The following MECOM variants were observed in gnomAD, a reference collection of about 807,000 sequenced individuals.
The protein encoded by MECOM is MDS1 and EVI1 complex locus, also known as histone-lysine N-methyltransferase MECOM.
A neutral mutation model predicts 116.3 loss-of-function variants in MECOM; 13 were observed. The ratio of observed to expected loss-of-function variants is 0.11; its 90% CI spans 0.07 to 0.18. The LOEUF is 0.18. MECOM is among the 10% of genes least tolerant of loss of function. The probability of loss-of-function intolerance (pLI) is 1.00; values close to 1 mark genes in which losing one functional copy is unlikely to be tolerated. For missense variants in MECOM, 1,299 were observed against 1,509.0 expected, an observed-to-expected ratio of 0.86 and a Z score of 2.31; for synonymous variants, 528 against 535.2, an observed-to-expected ratio of 0.99 and a Z score of 0.19.
At chr3:169,295,804 C>A (rs1715478869) in intron 2 of MECOM, among the ~76,000 whole-genome samples, 1 of 152,118 alleles carries the variant, frequency 6.6e-6, no homozygotes, top group Non-Finnish European at 1.5e-5. Context: ...AGCAAAGACA[C>A]CTTTTCACAG....
chr3:169,097,850 C>T (rs1355458916), intron 12 of MECOM, among the ~76,000 whole-genome samples: 1 of 65,924 alleles, frequency 1.5e-5, no homozygotes, highest in Admixed American at 1.9e-4. Flanking sequence ...AGGTGGATTC[C>T]ACTGTCAAGG....
chr3:169,187,134 T>A (rs1358342345), intron 2 of MECOM, among the ~76,000 whole-genome samples: 1 of 152,162 alleles, frequency 6.6e-6, no homozygotes, highest in Non-Finnish European at 1.5e-5. Flanking sequence ...CTTTTCATAG[T>A]CTTCAATGGG....
intron 2 of MECOM, among the ~76,000 whole-genome samples, chr3:169,231,630 G>A (rs960730207): frequency 1.4e-4 from 22 of 151,936 alleles, no homozygotes; most frequent in Non-Finnish European, 2.9e-4. Context: ...ATGAGAATGA[G>A]TCTTCCACAC....
At chr3:169,176,965 A>T (rs988280986) in intron 2 of MECOM, among the ~76,000 whole-genome samples, 2 of 152,210 alleles carry the variant, frequency 1.3e-5, no homozygotes, top group Non-Finnish European at 2.9e-5. Flanking sequence ...GTCAAGAAAC[A>T]ATAGATGCTG....
At chr3:169,213,666 T>A (rs1401415172) in intron 2 of MECOM, among the ~76,000 whole-genome samples, 2 of 152,138 alleles carry the variant, frequency 1.3e-5, no homozygotes, top group Admixed American at 1.3e-4. Context: ...TAGCTGGCCC[T>A]TAAACAGAAA....
At chr3:169,586,529 C>G (rs1034474886) in intron 1 of MECOM, among the ~76,000 whole-genome samples, 2 of 152,132 alleles carry the variant, frequency 1.3e-5, no homozygotes, top group African/African-American at 4.8e-5. Flanking sequence ...AAGGCTCAGG[C>G]TAATGAAATT....
chr3:169,309,490 A>T (rs1311787189), intron 2 of MECOM, among the ~76,000 whole-genome samples: 1 of 152,198 alleles, frequency 6.6e-6, no homozygotes, highest in Non-Finnish European at 1.5e-5. Flanking sequence ...AATCAATGAC[A>T]ATTACATATA....
At chr3:169,196,420 G>A (rs76020762) in intron 2 of MECOM, among the ~76,000 whole-genome samples, 2,564 of 152,022 alleles carry the variant, frequency 0.017, 39 homozygotes, top group Non-Finnish European at 0.021. Flanking sequence ...ACACATACAC[G>A]TCTCACATTG....
chr3:169,356,846 A>G (rs1460648622), intron 2 of MECOM, among the ~76,000 whole-genome samples: 3 of 151,922 alleles, frequency 2.0e-5, no homozygotes, highest in African/African-American at 7.2e-5. Context: ...ACCAAGGAAA[A>G]TCAGGATCAT....
intron 2 of MECOM, among the ~76,000 whole-genome samples, chr3:169,242,713 G>T (rs958179429): frequency 1.3e-5 from 2 of 152,076 alleles, no homozygotes. Context: ...CAGTCAGCTG[G>T]GAGTTTTAGT....
rs188991437 is a variant in MECOM at position 169,115,313 on chromosome 3, A to G, written c.2489+70T>C. 1.6e-5 allele frequency: 24 copies of G among 1,480,650 alleles called. No homozygotes were observed. In the East Asian group the frequency reaches 3.0e-4, roughly 18 times the overall value. The allele number at this position is 1,480,650 out of a possible 1,614,324, so 91.7% of individuals were successfully genotyped here. A position where few individuals can be genotyped will look rare whatever the true frequency, so the allele number is the denominator to read the frequency against. ...AGTAAAAATGATGTGTTAAAAAGCC[A>G]TCACTTTACAGTGGAAATACCGCCT... On this transcript the variant is annotated intron_variant, in intron 8 of 16. Coordinates refer to ENST00000651503, the MANE Select transcript of MECOM (RefSeq NM_004991.4).
In MECOM at chr3:169,143,663, T is replaced by C. The variant is rs1577149902; in HGVS notation, c.510+35A>G. ...TCAGGCTCCAGTGATACTTTTGTGC[T>C]CTCAAGGAAAGACAAGAAAATCTTT... On this transcript the variant is annotated intron_variant, in intron 3 of 16. Transcript: ENST00000651503. 2.0e-6 allele frequency: 3 copies of C among 1,528,520 alleles called. No individual in the cohort carries two copies. In the South Asian group the frequency reaches 3.8e-5, roughly 19 times the overall value. 94.7% of individuals were successfully genotyped at this position (1,528,520 alleles called of 1,614,324 possible).
chr3:169,658,370 C>T (rs756822190), intron 1 of MECOM, among the ~76,000 whole-genome samples: 23 of 152,324 alleles, frequency 1.5e-4, no homozygotes, highest in South Asian at 6.2e-4. Context: ...AGGAGCCTGT[C>T]CCAACAGGGA....
At chr3:169,662,091 C>T (rs1191015002) in intron 1 of MECOM, among the ~76,000 whole-genome samples, 4 of 152,348 alleles carry the variant, frequency 2.6e-5, no homozygotes, top group South Asian at 2.1e-4. Context: ...AGCATCACAC[C>T]GTGTGGGAAA....
chr3:169,408,196 T>C (rs1243523927), intron 1 of MECOM, among the ~76,000 whole-genome samples: 1 of 152,098 alleles, frequency 6.6e-6, no homozygotes, highest in African/African-American at 2.4e-5. Flanking sequence ...GAGAACAGTA[T>C]AAAAATGACA....
chr3:169,573,525 T>C (rs902005184), intron 1 of MECOM, among the ~76,000 whole-genome samples: 7 of 152,202 alleles, frequency 4.6e-5, no homozygotes, highest in African/African-American at 1.7e-4. Flanking sequence ...GGACTATCTT[T>C]GTATAACTAC....
intron 3 of MECOM, among the ~76,000 whole-genome samples, chr3:169,143,158 TA>T (rs1738647954): frequency 6.6e-6 from 1 of 152,190 alleles, no homozygotes; most frequent in African/African-American, 2.4e-5. Flanking sequence ...GGGTTATTTT[TA>T]AACTTTTTAA....
At chr3:169,338,823 T>TC (rs1724012178) in intron 2 of MECOM, among the ~76,000 whole-genome samples, 1 of 152,086 alleles carries the variant, frequency 6.6e-6, no homozygotes, top group Admixed American at 6.6e-5. Context: ...TATGTTATTT[T>TC]TTGTCTTTGC....
chr3:169,131,084 T>C (rs556961097), intron 4 of MECOM, among the ~76,000 whole-genome samples: 1 of 152,280 alleles, frequency 6.6e-6, no homozygotes, highest in Non-Finnish European at 1.5e-5. Context: ...CCCCTTGATT[T>C]AGGAAAGCTC....
Sources: gnomAD v4.1 joint callset for allele counts (sites outside exome capture counted in the v4.1 genomes callset) on GRCh38, gnomAD v4.1.1 for gene constraint, MANE v1.5 for transcripts, NCBI Gene and HGNC (gene_info 2026-07-23, HGNC 2026-07-21) for gene names.